CCND2: variants seen among roughly 807,000 people sequenced by gnomAD.
The protein encoded by CCND2 is G1/S-specific cyclin-D2.
A neutral mutation model predicts 30.2 loss-of-function variants in CCND2; 6 were observed. The observed-to-expected ratio is 0.20, with a 90% CI of 0.11 to 0.39. CCND2 has a LOEUF of 0.39. CCND2 is among the 10% of genes least tolerant of loss of function. The probability of loss-of-function intolerance (pLI) is 1.00; values close to 1 mark genes in which losing one functional copy is unlikely to be tolerated. For synonymous variants in CCND2, 150 were observed against 153.1 expected, an observed-to-expected ratio of 0.98 and a Z score of 0.15; for missense variants, 235 against 373.4, an observed-to-expected ratio of 0.63 and a Z score of 3.06.
rs980804026 is a variant in CCND2 at position 4,285,360 on chromosome 12, G to A, written c.572-3482G>A. The A allele has an allele frequency of 3.3e-5, 33 of 985,298 alleles. No homozygotes were observed. Among genetic ancestry groups the A allele is most frequent in the African/African-American group, 5.2e-5 (3 of 57,244 alleles). The allele number at this position is 985,298 out of a possible 1,614,324, so 61.0% of individuals were successfully genotyped here. On this transcript the variant is annotated intron_variant, in intron 3 of 4. Transcript: ENST00000261254. This position sits in a 1 kb window ranked among gnomAD's most constrained non-coding sequence, Gnocchi z 4.1. Reference sequence around the variant, plus strand: ...CGAGGGCACACCCTCACCCCTGAGCGTGCCTTCTGCACCAGCATATTGCTT... The same window carrying A: ...CGAGGGCACACCCTCACCCCTGAGCATGCCTTCTGCACCAGCATATTGCTT...
intron 3 of CCND2, among the ~76,000 whole-genome samples, chr12:4,281,697 A>G (rs1056231075): frequency 1.3e-5 from 2 of 152,124 alleles, no homozygotes; most frequent in African/African-American, 4.8e-5. Flanking sequence ...TGGTTGTGAA[A>G]GAGCTGGCAG....
chr12:4,295,381 T>C (rs1473733788), intron 4 of CCND2, among the ~76,000 whole-genome samples: 1 of 152,184 alleles, frequency 6.6e-6, no homozygotes, highest in Non-Finnish European at 1.5e-5. Context: ...TACCACAAGG[T>C]AAGTCTAGAA....
At position 4,299,796 on chromosome 12, in the gene CCND2, C is replaced by T; in HGVS notation, c.721-64C>T. 1 of 1,470,268 alleles carries T rather than the reference C, an allele frequency of 6.8e-7. No homozygotes were observed. The highest frequency in any genetic ancestry group is 9.3e-7 in the Non-Finnish European group (1 of 1,073,444). The allele number at this position is 1,470,268 out of a possible 1,614,324, so 91.1% of individuals were successfully genotyped here. Reference sequence around the variant, plus strand: ...ATGCAAGCTAAATTACGCATGTTTTCTCCGTAGGATGCTCTATGTCCTGTT... The same window carrying T: ...ATGCAAGCTAAATTACGCATGTTTTTTCCGTAGGATGCTCTATGTCCTGTT... On this transcript the variant is annotated intron_variant, in intron 4 of 4. Transcript: ENST00000261254. This position sits in a 1 kb window ranked among gnomAD's most constrained non-coding sequence, Gnocchi z 5.2.
In CCND2 at chr12:4,274,435, A is replaced by C. The variant is rs1181808934; in HGVS notation, c.195+200A>C. On this transcript the variant is annotated intron_variant, in intron 1 of 4. Transcript: ENST00000261254. The surrounding 1 kb of genome is among the most constrained non-coding windows in gnomAD (Gnocchi z 7.7). ...GATAAACTGGGGAGGCAGAGGGGGG[A>C]GGAAAATCTGGGAGAAGCGAGGCTG... Among the ~76,000 whole-genome samples, 1 of 151,478 alleles carries C rather than the reference A, an allele frequency of 6.6e-6. No homozygotes were observed. Among genetic ancestry groups the C allele is most frequent in the African/African-American group, 2.4e-5 (1 of 41,190 alleles).
chr12:4,279,024 G>T, intron 3 of CCND2, 105 bp downstream of exon 3: 1 of 1,185,346 alleles, frequency 8.4e-7, no homozygotes, highest in South Asian at 1.5e-5. Context: ...TCAGGAGTTT[G>T]GAGGAGGGGT....
chr12:4,283,253 C>T (rs1863975300), intron 3 of CCND2, among the ~76,000 whole-genome samples: 1 of 152,218 alleles, frequency 6.6e-6, no homozygotes, highest in Admixed American at 6.5e-5. Context: ...CCAGGGCATC[C>T]TTGGGAGGAT....
Position 4,276,853 on chromosome 12 carries a change from C to A in CCND2, c.411+633C>A, listed in dbSNP as rs1206827738. ...TTATCTCTGCTTTTCTACCAGGGAA[C>A]CTTTTTCCCACCTGATCTAACTCCT... On this transcript the variant is annotated intron_variant, in intron 2 of 4. Coordinates refer to ENST00000261254, the MANE Select transcript of CCND2 (RefSeq NM_001759.4). The surrounding 1 kb of genome is among the most constrained non-coding windows in gnomAD (Gnocchi z 4.8). Among the ~76,000 whole-genome samples, 1 of 152,242 alleles carries A rather than the reference C, an allele frequency of 6.6e-6. No individual in the cohort carries two copies. Among genetic ancestry groups the A allele is most frequent in the Non-Finnish European group, 1.5e-5 (1 of 68,040 alleles).
At chr12:4,290,051 C>T (rs1363971765) in intron 4 of CCND2, among the ~76,000 whole-genome samples, 1 of 152,126 alleles carries the variant, frequency 6.6e-6, no homozygotes, top group East Asian at 1.9e-4. Flanking sequence ...CTGGATGGTC[C>T]GGGGGGATTC....
At chr12:4,281,663 G>A (rs951444974) in intron 3 of CCND2, among the ~76,000 whole-genome samples, 4 of 152,258 alleles carry the variant, frequency 2.6e-5, no homozygotes, top group African/African-American at 9.6e-5. Context: ...CCCTCAGGCC[G>A]TGCAGCTATT....
At chr12:4,280,959 T>G (rs1863940440) in intron 3 of CCND2, among the ~76,000 whole-genome samples, 2 of 152,224 alleles carry the variant, frequency 1.3e-5, no homozygotes, top group South Asian at 4.1e-4. Flanking sequence ...ACCCGTGGCC[T>G]TCTTGCCCAG....
In CCND2 at chr12:4,285,457, A is replaced by C; in HGVS notation, c.572-3385A>C. 1 of 981,760 alleles carries C rather than the reference A, an allele frequency of 1.0e-6. No homozygotes were observed. The highest frequency in any genetic ancestry group is 1.2e-6 in the Non-Finnish European group (1 of 826,554). The allele number at this position is 981,760 out of a possible 1,614,324, so 60.8% of individuals were successfully genotyped here. ...TACCTGGTTTTTATTTGTTAAAATA[A>C]TATTACGTACAAATTTTACAAACTC... On this transcript the variant is annotated intron_variant, in intron 3 of 4. Transcript: ENST00000261254. This position sits in a 1 kb window ranked among gnomAD's most constrained non-coding sequence, Gnocchi z 4.1.
At position 4,302,159 on chromosome 12, in the gene CCND2, G is replaced by A. The variant is rs555029990; in HGVS notation, c.*2150G>A. 9.0e-5 allele frequency: 21 copies of A among 233,122 alleles called. No homozygotes were observed. Among genetic ancestry groups the A allele is most frequent in the Non-Finnish European group, 1.6e-4 (19 of 117,782 alleles). 14.4% of individuals were successfully genotyped at this position (233,122 alleles called of 1,614,324 possible). ...CTCCCTCTCAGGTGGAAGGCAGGGC[G>A]GTCTCACTCCCAGGGACCTTTTTGG... is the stretch of plus-strand genomic sequence containing the variant. On this transcript the variant is annotated 3_prime_UTR_variant, in exon 5 of 5. Coordinates refer to ENST00000261254, the MANE Select transcript of CCND2 (RefSeq NM_001759.4).
chr12:4,289,325 C>T (rs555613359), intron 4 of CCND2, among the ~76,000 whole-genome samples: 3 of 152,054 alleles, frequency 2.0e-5, no homozygotes, highest in East Asian at 2.0e-4. Context: ...TGCCTCTGCC[C>T]GGCAGCGAAG....
rs535029842 is a variant in CCND2 at position 4,293,005 on chromosome 12, T to C, written c.720+4015T>C. ...TTATCCAGAGCCCCTGGCAGAGTCA[T>C]TGGGAGTGATGCTTAAGAGAGGAAG... On this transcript the variant is annotated intron_variant, in intron 4 of 4. Transcript: ENST00000261254. The surrounding 1 kb of genome is among the most constrained non-coding windows in gnomAD (Gnocchi z 4.9). 7.9e-5 allele frequency among the ~76,000 whole-genome samples: 12 copies of C among 152,242 alleles called. No individual in the cohort carries two copies. The South Asian group carries it at 1.0e-3, about 13-fold the overall frequency.
In CCND2 at chr12:4,290,193, G is replaced by A. The variant is rs373025974; in HGVS notation, c.720+1203G>A. ...ACGGCTGCAGCTCGCCGGCCTCCTCGCCCGCCCACCTGGATTTTCCCTGGC... is the reference window on the plus strand; with the variant it reads ...ACGGCTGCAGCTCGCCGGCCTCCTCACCCGCCCACCTGGATTTTCCCTGGC... On this transcript the variant is annotated intron_variant, in intron 4 of 4. Transcript: ENST00000261254. Among the ~76,000 whole-genome samples the A allele has an allele frequency of 2.8e-4, 43 of 152,302 alleles. No individual in the cohort carries two copies. In the South Asian group the frequency reaches 7.9e-3, roughly 28 times the overall value.
chr12:4,274,039 C>A lies in CCND2; in HGVS notation c.-2C>A. The A allele has an allele frequency of 6.2e-7, 1 of 1,609,796 alleles. No homozygotes were observed. The highest frequency in any genetic ancestry group is 8.5e-7 in the Non-Finnish European group (1 of 1,178,024). On this transcript the variant is annotated 5_prime_UTR_variant, in exon 1 of 5. Transcript: ENST00000261254. The surrounding 1 kb of genome is among the most constrained non-coding windows in gnomAD (Gnocchi z 7.7). ...GGAGGGAGAGGGGCCGCCGGGCTGG[C>A]CATGGAGCTGCTGTGCCACGAGGTG...
rs1440088299 is a variant in CCND2, at chr12:4,301,352, CG to C, written c.*1344del. 17 of 99,138 alleles carry C rather than the reference CG, an allele frequency of 1.7e-4. No homozygotes were observed. Among genetic ancestry groups the C allele is most frequent in the African/African-American group, 1.0e-3 (15 of 14,990 alleles). The allele number at this position is 99,138 out of a possible 1,614,324, so 6.1% of individuals were successfully genotyped here. A position where few individuals can be genotyped will look rare whatever the true frequency, so the allele number is the denominator to read the frequency against. On this transcript the variant is annotated 3_prime_UTR_variant, in exon 5 of 5. Coordinates refer to ENST00000261254, the MANE Select transcript of CCND2 (RefSeq NM_001759.4). ...GGGTGTGGCATTTTGTTCCCTTTTC[CG>C]TTTTTTTTTTTTTATTGTTGTTGTT...
Position 4,303,269 on chromosome 12 carries a change from G to T in CCND2, c.*3260G>T, listed in dbSNP as rs936861081. 8.6e-6 allele frequency: 2 copies of T among 233,252 alleles called. No individual in the cohort carries two copies. Among genetic ancestry groups the T allele is most frequent in the African/African-American group, 4.4e-5 (2 of 45,348 alleles). 14.4% of individuals were successfully genotyped at this position (233,252 alleles called of 1,614,324 possible). On this transcript the variant is annotated 3_prime_UTR_variant, in exon 5 of 5. Coordinates refer to ENST00000261254, the MANE Select transcript of CCND2 (RefSeq NM_001759.4). This position sits in a 1 kb window ranked among gnomAD's most constrained non-coding sequence, Gnocchi z 4.6. ...GGGGCTGCCGATGGGAAAGTCGGGG[G>T]TTGTTAGGCTTTTCTGCCTGCTCCT...
At chr12:4,295,200 A>G (rs1048313248) in intron 4 of CCND2, among the ~76,000 whole-genome samples, 1 of 152,246 alleles carries the variant, frequency 6.6e-6, no homozygotes, top group Non-Finnish European at 1.5e-5. Flanking sequence ...ACCATCAGAG[A>G]GTAGCGTTCA....
Sources: gnomAD v4.1 joint callset for allele counts (sites outside exome capture counted in the v4.1 genomes callset) on GRCh38, gnomAD v4.1.1 for gene constraint, Gnocchi (gnomAD v3.1) non-coding constraint, MANE v1.5 for transcripts, NCBI Gene and HGNC (gene_info 2026-07-23, HGNC 2026-07-21) for gene names.